The following PPEF1 variants were observed in gnomAD, a reference collection of about 807,000 sequenced individuals.
The protein encoded by PPEF1 is serine/threonine-protein phosphatase with EF-hands 1.
A neutral mutation model predicts 53.3 loss-of-function variants in PPEF1; 12 were observed. The ratio of observed to expected loss-of-function variants is 0.23; its 90% confidence interval spans 0.14 to 0.36. The LOEUF (loss-of-function observed/expected upper bound fraction) is 0.36, where lower values mean the gene tolerates loss of function less well. PPEF1 is among the 10% of genes least tolerant of loss of function. PPEF1 has a pLI of 1.00. For synonymous variants in PPEF1, 165 were observed against 176.7 expected (o/e 0.93, Z 0.52); for missense variants, 334 against 490.4 (o/e 0.68, Z 3.01).
At chrX:18,812,872 T>C (rs763256201) in intron 12 of PPEF1, among the ~76,000 whole-genome samples, 19 of 109,822 alleles carry the variant, frequency 1.7e-4, no homozygotes, top group African/African-American at 6.3e-4. Flanking sequence ...GGGCCTTACA[T>C]TAAAATTAGC....
chrX:18,819,649 G>A (rs374277061), intron 13 of PPEF1, among the ~76,000 whole-genome samples: 2 of 111,677 alleles, frequency 1.8e-5, no homozygotes, highest in South Asian at 7.6e-4. Flanking sequence ...ACCCGAGACC[G>A]CACCATTGCA....
intron 10 of PPEF1, among the ~76,000 whole-genome samples, chrX:18,794,787 A>G (rs1032924287): frequency 1.8e-5 from 2 of 111,903 alleles, no homozygotes; most frequent in African/African-American, 6.5e-5. Flanking sequence ...GCAAAACCAT[A>G]GCCCTCTACT....
At chrX:18,815,907 T>C (rs239741) in intron 12 of PPEF1, among the ~76,000 whole-genome samples, 1 of 103,650 alleles carries the variant, frequency 9.6e-6, no homozygotes, top group Non-Finnish European at 2.0e-5. Flanking sequence ...TTATTTATTT[T>C]TTTTTTTTTT....
upstream of PPEF1, among the ~76,000 whole-genome samples, chrX:18,679,099 A>G (rs1274644016): frequency 8.9e-6 from 1 of 111,956 alleles, no homozygotes; most frequent in Non-Finnish European, 1.9e-5. Flanking sequence ...TTTTGGAGAC[A>G]GTTTTGCTCT....
At chrX:18,719,641 C>A (rs1445317752) in intron 1 of PPEF1, among the ~76,000 whole-genome samples, 1 of 111,003 alleles carries the variant, frequency 9.0e-6, no homozygotes, top group East Asian at 2.8e-4. Flanking sequence ...GCCACTGCAC[C>A]CAGTCCAAGG....
chrX:18,755,798 A>G (rs1011472181), intron 4 of PPEF1, among the ~76,000 whole-genome samples: 6 of 111,417 alleles, frequency 5.4e-5, no homozygotes, highest in African/African-American at 1.6e-4. Flanking sequence ...GTGGAATCGT[A>G]CAATATATGT....
At chrX:18,703,475 G>A (rs921921438), upstream of PPEF1, among the ~76,000 whole-genome samples, 19 of 111,695 alleles carry the variant, frequency 1.7e-4, no homozygotes, top group African/African-American at 6.2e-4. Flanking sequence ...GCACCTACCT[G>A]TGCACAAAAT....
chrX:18,678,228 C>A (rs1402499840), upstream of PPEF1, among the ~76,000 whole-genome samples: 2 of 107,604 alleles, frequency 1.9e-5, no homozygotes, highest in African/African-American at 6.8e-5. Flanking sequence ...CTCAGGAGTT[C>A]AAGACCAGGC....
chrX:18,762,477 G>A (rs921803851), intron 6 of PPEF1, among the ~76,000 whole-genome samples: 1 of 111,565 alleles, frequency 9.0e-6, no homozygotes, highest in African/African-American at 3.3e-5. Context: ...CTTGGATCTC[G>A]CACAAGAAAG....
chrX:18,722,409 G>C (rs777924999), intron 1 of PPEF1, among the ~76,000 whole-genome samples: 7 of 112,184 alleles, frequency 6.2e-5, no homozygotes, highest in African/African-American at 2.3e-4. Flanking sequence ...TAATCCTGCT[G>C]CTTCCTCAGG....
At position 18,744,771 on chromosome X, in the gene PPEF1, GTAA is replaced by G. The variant is rs201105997; in HGVS notation, c.236-5012_236-5010del. 0.012 allele frequency among the ~76,000 whole-genome samples: 1,365 copies of G among 109,760 alleles called. 27 individuals carry two copies. The South Asian group carries it at 0.14, about 12-fold the overall frequency. On this transcript the variant is annotated intron_variant, in intron 3 of 15. Transcript: ENST00000470157. ...TTATCTTATATTGTGCTACTATTAAGTAATAATAATATTTTTATTGTTGATATT... is the reference window on the plus strand; with the variant it reads ...TTATCTTATATTGTGCTACTATTAAGTAATAATATTTTTATTGTTGATATT...
intron 3 of PPEF1, among the ~76,000 whole-genome samples, chrX:18,740,411 CTCTT>C (rs751003779): frequency 1.3e-3 from 107 of 79,564 alleles, no homozygotes; most frequent in Non-Finnish European, 1.9e-3. Context: ...CTCTCTCTCT[CTCTT>C]TTTTTTTTTT....
intron 6 of PPEF1, among the ~76,000 whole-genome samples, chrX:18,769,366 G>A (rs1382025806): frequency 8.9e-6 from 1 of 112,192 alleles, no homozygotes; most frequent in Non-Finnish European, 1.9e-5. Flanking sequence ...CTTAATTAGA[G>A]TGACCAGTTT....
intron 1 of PPEF1, among the ~76,000 whole-genome samples, chrX:18,677,391 C>G (rs149169215): frequency 2.0e-4 from 22 of 111,928 alleles, no homozygotes; most frequent in Non-Finnish European, 3.8e-4. Context: ...TTTGCCCTTT[C>G]ATTTCTTCCT....
chrX:18,720,121 G>A (rs1048726864), intron 1 of PPEF1, among the ~76,000 whole-genome samples: 9 of 111,543 alleles, frequency 8.1e-5, no homozygotes, highest in Non-Finnish European at 1.7e-4. Flanking sequence ...TCCAGATTGA[G>A]GGATGTTTTA....
intron 1 of PPEF1, among the ~76,000 whole-genome samples, chrX:18,723,119 G>A (rs1048750689): frequency 9.1e-6 from 1 of 110,355 alleles, no homozygotes; most frequent in African/African-American, 3.3e-5. Flanking sequence ...CAAGTAGCTG[G>A]GATTACAGGT....
At chrX:18,781,647 G>A (rs959413603) in intron 7 of PPEF1, among the ~76,000 whole-genome samples, 5 of 111,818 alleles carry the variant, frequency 4.5e-5, no homozygotes, top group African/African-American at 1.3e-4. Context: ...AAAACAGAAC[G>A]TTACACTGTA....
chrX:18,815,471 T>C (rs888193353), intron 12 of PPEF1, among the ~76,000 whole-genome samples: 4 of 112,372 alleles, frequency 3.6e-5, no homozygotes, highest in Non-Finnish European at 7.5e-5. Flanking sequence ...TGGGCTTGTC[T>C]TTGCGAATCA....
upstream of PPEF1, among the ~76,000 whole-genome samples, chrX:18,675,081 G>A (rs1335195078): frequency 1.8e-5 from 2 of 112,903 alleles, no homozygotes; most frequent in Non-Finnish European, 3.8e-5. Flanking sequence ...CCGCCCCCGA[G>A]GCGAGGAGTT....
Sources: gnomAD v4.1 joint callset for allele counts (sites outside exome capture counted in the v4.1 genomes callset) on GRCh38, gnomAD v4.1.1 for gene constraint, MANE v1.5 for transcripts, NCBI Gene and HGNC (gene_info 2026-07-23, HGNC 2026-07-21) for gene names.